GRID2: variants seen among roughly 807,000 people sequenced by gnomAD.
GRID2 encodes the protein glutamate receptor ionotropic, delta-2.
Under a neutral mutation model 114.8 loss-of-function variants are expected in GRID2, and 33 were observed. The observed-to-expected ratio is 0.29, with a 90% CI of 0.22 to 0.38. The LOEUF is 0.38. Ranked by LOEUF, GRID2 falls within the 10% of genes least tolerant of loss-of-function variation. GRID2 has a pLI of 1.00. For synonymous variants in GRID2, 505 were observed against 449.9 expected, an observed-to-expected ratio of 1.12 and a Z score of -1.55; for missense variants, 1,184 against 1,257.7, an observed-to-expected ratio of 0.94 and a Z score of 0.89.
At chr4:93,252,623 T>C (rs193169268) in intron 8 of GRID2, among the ~76,000 whole-genome samples, 4 of 152,302 alleles carry the variant, frequency 2.6e-5, no homozygotes, top group Non-Finnish European at 5.9e-5. Flanking sequence ...GGTAGTTTAA[T>C]GGAAATAGCA....
intron 2 of GRID2, among the ~76,000 whole-genome samples, chr4:92,956,494 G>A (rs1752421303): frequency 6.6e-6 from 1 of 151,982 alleles, no homozygotes; most frequent in South Asian, 2.1e-4. Flanking sequence ...GTCTTTTCAT[G>A]GCTTGATAGC....
intron 1 of GRID2, among the ~76,000 whole-genome samples, chr4:93,787,198 C>T (rs1734610024): frequency 6.6e-6 from 1 of 151,984 alleles, no homozygotes. Context: ...AAGTAGTGCA[C>T]ATCACTTCTG....
At chr4:92,384,188 A>G (rs1729758176) in intron 1 of GRID2, among the ~76,000 whole-genome samples, 1 of 150,686 alleles carries the variant, frequency 6.6e-6, no homozygotes, top group Non-Finnish European at 1.5e-5. Flanking sequence ...AGTTGCAACC[A>G]GAATGTAACT....
chr4:92,974,700 G>C (rs1483641233), intron 2 of GRID2, among the ~76,000 whole-genome samples: 1 of 151,658 alleles, frequency 6.6e-6, no homozygotes, highest in African/African-American at 2.4e-5. Context: ...TAGGGGGGTA[G>C]GGGAGGAATA....
At chr4:93,187,549 A>G (rs1740553318) in intron 4 of GRID2, among the ~76,000 whole-genome samples, 1 of 152,132 alleles carries the variant, frequency 6.6e-6, no homozygotes, top group Non-Finnish European at 1.5e-5. Context: ...ATGTGTTAGC[A>G]TTATAAACGT....
chr4:93,373,835 C>T (rs1297394888), intron 8 of GRID2, among the ~76,000 whole-genome samples: 2 of 152,162 alleles, frequency 1.3e-5, no homozygotes, highest in Admixed American at 1.3e-4. Flanking sequence ...ATGAGAAATG[C>T]CAGCCGGGAA....
intron 14 of GRID2, among the ~76,000 whole-genome samples, chr4:93,674,107 G>C (rs1724653489): frequency 6.6e-6 from 1 of 152,068 alleles, no homozygotes; most frequent in African/African-American, 2.4e-5. Flanking sequence ...CAGTTTGCAA[G>C]TGCCCTCTGG....
chr4:93,254,890 T>C (rs531953852), intron 8 of GRID2, among the ~76,000 whole-genome samples: 18 of 152,150 alleles, frequency 1.2e-4, no homozygotes, highest in Non-Finnish European at 2.4e-4. Flanking sequence ...CATTCCAACG[T>C]GATTTTTATT....
chr4:93,343,873 G>T (rs1344960686), intron 8 of GRID2, among the ~76,000 whole-genome samples: 1 of 152,022 alleles, frequency 6.6e-6, no homozygotes, highest in African/African-American at 2.4e-5. Flanking sequence ...AATTAGTGCA[G>T]TCTACAATAT....
In GRID2 at chr4:93,703,110, G is replaced by A. The variant is rs558154733; in HGVS notation, c.2361-66100G>A. ...ATGAAGGTAAAAATTTGTCTCATTAGGATTTTTAATTTTTTTCTGACATCA... is the reference window on the plus strand; with the variant it reads ...ATGAAGGTAAAAATTTGTCTCATTAAGATTTTTAATTTTTTTCTGACATCA... On this transcript the variant is annotated intron_variant, in intron 14 of 15. Transcript: ENST00000282020. Among the ~76,000 whole-genome samples, 4 of 152,182 alleles carry A rather than the reference G, an allele frequency of 2.6e-5. No individual in the cohort carries two copies. The East Asian group carries it at 7.7e-4, about 29-fold the overall frequency.
At chr4:93,436,720 G>A (rs1721118492) in intron 10 of GRID2, among the ~76,000 whole-genome samples, 1 of 152,072 alleles carries the variant, frequency 6.6e-6, no homozygotes, top group South Asian at 2.1e-4. Flanking sequence ...GAAAATATTT[G>A]TAAAAGTGTA....
At chr4:93,055,641 A>G (rs1727155475) in intron 2 of GRID2, among the ~76,000 whole-genome samples, 1 of 151,958 alleles carries the variant, frequency 6.6e-6, no homozygotes, top group African/African-American at 2.4e-5. Flanking sequence ...AATACATTTG[A>G]CTTAAAACAA....
chr4:92,975,620 A>G (rs1753823697), intron 2 of GRID2, among the ~76,000 whole-genome samples: 1 of 152,106 alleles, frequency 6.6e-6, no homozygotes, highest in South Asian at 2.1e-4. Context: ...AGAAATTTCC[A>G]TGAACTTATT....
intron 14 of GRID2, among the ~76,000 whole-genome samples, chr4:93,706,011 G>A (rs576849336): frequency 4.8e-4 from 73 of 152,098 alleles, no homozygotes; most frequent in African/African-American, 1.7e-3. Flanking sequence ...TTTATTCCTG[G>A]GTTCTCTATT....
At chr4:93,784,966 T>C (rs1317098437) in intron 1 of GRID2, among the ~76,000 whole-genome samples, 1 of 152,198 alleles carries the variant, frequency 6.6e-6, no homozygotes, top group Non-Finnish European at 1.5e-5. Context: ...TAGAGTATCT[T>C]CATAGAGAAG....
intron 1 of GRID2, among the ~76,000 whole-genome samples, chr4:92,307,616 T>G (rs1015555101): frequency 1.3e-5 from 2 of 152,188 alleles, no homozygotes; most frequent in Admixed American, 6.5e-5. Context: ...ACATATTGAT[T>G]CACTACAGTG....
At chr4:93,612,053 C>A (rs1017819405) in intron 13 of GRID2, among the ~76,000 whole-genome samples, 4 of 151,928 alleles carry the variant, frequency 2.6e-5, no homozygotes, top group African/African-American at 7.3e-5. Flanking sequence ...TGAATTGATC[C>A]CTTTACCATT....
chr4:92,781,652 T>C (rs1739083383), intron 2 of GRID2, among the ~76,000 whole-genome samples: 1 of 152,108 alleles, frequency 6.6e-6, no homozygotes, highest in Non-Finnish European at 1.5e-5. Flanking sequence ...TGTTATACTA[T>C]TTATTACTGG....
rs940497622 is a variant in GRID2, at chr4:93,799,347, C to A, written c.222-7368C>A. 2.6e-5 allele frequency among the ~76,000 whole-genome samples: 4 copies of A among 152,154 alleles called. No individual in the cohort carries two copies. In the South Asian group the frequency reaches 8.3e-4, roughly 32 times the overall value. ...TATTAAAAACTCTCCAAGACTGCTTCTTTTGTAAAATGAGAGATTTGGAAT... is the reference window on the plus strand; with the variant it reads ...TATTAAAAACTCTCCAAGACTGCTTATTTTGTAAAATGAGAGATTTGGAAT... On this transcript the variant is annotated intron_variant, in intron 1 of 1. Transcript: ENST00000637838.
Sources: allele counts gnomAD v4.1 joint callset (sites outside exome capture counted in the v4.1 genomes callset), GRCh38; gene constraint gnomAD v4.1.1; transcripts MANE v1.5; gene names NCBI Gene and HGNC (gene_info 2026-07-23, HGNC 2026-07-21).